Variants in TESK2 observed in about 807,000 individuals in gnomAD.
The protein encoded by TESK2 is testis associated actin remodelling kinase 2, also known as dual specificity testis-specific protein kinase 2.
A neutral mutation model predicts 57.1 loss-of-function variants in TESK2; 39 were observed. The ratio of observed to expected loss-of-function variants is 0.68; its 90% confidence interval spans 0.53 to 0.89. The LOEUF (loss-of-function observed/expected upper bound fraction) is 0.89, where lower values mean the gene tolerates loss of function less well. Ranked by LOEUF, TESK2 falls within the 40% of genes least tolerant of loss-of-function variation. The pLI is 0.00. For missense variants in TESK2, 646 were observed against 732.1 expected (o/e 0.88, Z 1.36); for synonymous variants, 249 against 267.9 (o/e 0.93, Z 0.69).
intron 5 of TESK2, among the ~76,000 whole-genome samples, chr1:45,352,594 C>T (rs893589765): frequency 2.0e-5 from 3 of 152,166 alleles, no homozygotes; most frequent in Admixed American, 2.0e-4. Context: ...GAAAACTTGT[C>T]GTCTATGTAG....
At chr1:45,384,593 ATTTTTTTTTTTTTTTT>A (rs59988269) in intron 4 of TESK2, among the ~76,000 whole-genome samples, 82 of 70,884 alleles carry the variant, frequency 1.2e-3, no homozygotes, top group South Asian at 4.6e-3. Flanking sequence ...CTAATTATTA[ATTTTTTTTTTTTTTTT>A]TTTTTTTTTT....
intron 1 of TESK2, among the ~76,000 whole-genome samples, chr1:45,464,161 T>G (rs556117869): frequency 1.3e-5 from 2 of 152,222 alleles, no homozygotes; most frequent in Admixed American, 6.5e-5. Flanking sequence ...TTTCAATTCA[T>G]GAACATTAAA....
intron 3 of TESK2, among the ~76,000 whole-genome samples, chr1:45,400,691 T>A (rs987907769): frequency 6.6e-6 from 1 of 152,112 alleles, no homozygotes; most frequent in Non-Finnish European, 1.5e-5. Context: ...CATTAAAGCA[T>A]AAATGTCCTC....
In TESK2 at chr1:45,428,952, T is replaced by G. The variant is rs747146134; in HGVS notation, c.223-7106A>C. ...TTCTCCTGCCTCAGCCTCCCAAGTA[T>G]CTGGGACTACAGGCACGTGCCACCA... is the stretch of plus-strand genomic sequence containing the variant. On this transcript the variant is annotated intron_variant, in intron 2 of 10. Transcript: ENST00000372086. 2.3e-4 allele frequency among the ~76,000 whole-genome samples: 34 copies of G among 150,194 alleles called. No individual in the cohort carries two copies. In the South Asian group the frequency reaches 4.5e-3, roughly 20 times the overall value.
chr1:45,376,691 C>G (rs953123710), intron 4 of TESK2, among the ~76,000 whole-genome samples: 63 of 151,964 alleles, frequency 4.1e-4, no homozygotes, highest in African/African-American at 1.5e-3. Flanking sequence ...ATTAGAGAAC[C>G]TGGGATTTGA....
intron 1 of TESK2, among the ~76,000 whole-genome samples, chr1:45,467,458 C>A (rs1161964562): frequency 6.6e-6 from 1 of 151,904 alleles, no homozygotes; most frequent in Non-Finnish European, 1.5e-5. Context: ...GATTCCCCTG[C>A]CTCAGCCTCC....
chr1:45,365,235 C>T (rs1647859259), intron 4 of TESK2, among the ~76,000 whole-genome samples: 1 of 152,166 alleles, frequency 6.6e-6, no homozygotes, highest in Non-Finnish European at 1.5e-5. Context: ...ACAGCCACTA[C>T]AAGCGTACAT....
At chr1:45,448,548 G>C (rs550904031) in intron 2 of TESK2, among the ~76,000 whole-genome samples, 2 of 152,264 alleles carry the variant, frequency 1.3e-5, no homozygotes, top group African/African-American at 4.8e-5. Flanking sequence ...GGGGCAGCAT[G>C]TCACATGGGG....
At chr1:45,477,928 T>C (rs1232668957) in intron 1 of TESK2, among the ~76,000 whole-genome samples, 4 of 152,358 alleles carry the variant, frequency 2.6e-5, no homozygotes, top group Admixed American at 1.3e-4. Flanking sequence ...CTTGTAGTAA[T>C]CTGACTATAC....
rs866725651 is a variant in TESK2, at chr1:45,361,995, G to A, written c.394-6546C>T. Among the ~76,000 whole-genome samples, 6 of 152,260 alleles carry A rather than the reference G, an allele frequency of 3.9e-5. No homozygotes were observed. In the Middle Eastern group the frequency reaches 0.014, roughly 345 times the overall value. ...TCAAAAAAAAGATGGTAAATTATAT[G>A]TTATATGTATTTTACCACGATAGAG... On this transcript the variant is annotated intron_variant, in intron 4 of 10. Coordinates refer to ENST00000372086, the MANE Select transcript of TESK2 (RefSeq NM_007170.3).
rs1303672543 is a variant in TESK2, at chr1:45,346,703, T to C, written c.869A>G (p.Asn290Ser). The change falls in exon 9 of 11, where the codon AAC becomes AGC. Residue 290 changes from asparagine (N) to serine (S), a missense_variant. Transcript: ENST00000372086. ...CPPDFLQLTF[N>S]CCNMDPKLRP... ...GAGAAAGACACTCACGTTACAGCAG[T>C]TGAAAGTAAGTTGCAGAAAATCTGG... 1.2e-6 allele frequency: 2 copies of C among 1,613,562 alleles called. No individual in the cohort carries two copies. The highest frequency in any genetic ancestry group is 1.1e-5 in the South Asian group (1 of 90,846).
At chr1:45,410,552 C>G (rs1330805308) in intron 3 of TESK2, among the ~76,000 whole-genome samples, 2 of 151,892 alleles carry the variant, frequency 1.3e-5, no homozygotes, top group African/African-American at 4.8e-5. Flanking sequence ...TTGTAGTAAG[C>G]TGAGATTGCA....
chr1:45,482,242 G>T (rs1276099388), intron 1 of TESK2, among the ~76,000 whole-genome samples: 1 of 152,150 alleles, frequency 6.6e-6, no homozygotes, highest in Non-Finnish European at 1.5e-5. Context: ...ATACGAAAAA[G>T]TTGGCCAGGC....
At chr1:45,407,750 C>T (rs1388642646) in intron 3 of TESK2, among the ~76,000 whole-genome samples, 1 of 152,166 alleles carries the variant, frequency 6.6e-6, no homozygotes, top group Non-Finnish European at 1.5e-5. Flanking sequence ...CCTCCCCAGC[C>T]ACGTGGAACT....
chr1:45,476,292 G>C (rs1652986903), intron 1 of TESK2, among the ~76,000 whole-genome samples: 1 of 152,030 alleles, frequency 6.6e-6, no homozygotes, highest in South Asian at 2.1e-4. Context: ...TGGATCATTT[G>C]AGCTTAGGAG....
chr1:45,433,389 A>G (rs1256828793), intron 2 of TESK2, among the ~76,000 whole-genome samples: 3 of 151,710 alleles, frequency 2.0e-5, no homozygotes, highest in Non-Finnish European at 4.4e-5. Flanking sequence ...TATAACTTAC[A>G]CTTTCTATCC....
intron 2 of TESK2, among the ~76,000 whole-genome samples, chr1:45,438,955 C>T (rs1193173298): frequency 6.6e-6 from 1 of 152,118 alleles, no homozygotes; most frequent in Non-Finnish European, 1.5e-5. Flanking sequence ...TAGACAATTT[C>T]ATAAGTTACT....
chr1:45,471,438 C>T (rs1328003330), intron 1 of TESK2, among the ~76,000 whole-genome samples: 1 of 151,954 alleles, frequency 6.6e-6, no homozygotes, highest in Admixed American at 6.6e-5. Context: ...GACAGTCTTG[C>T]TCTGTTGCCC....
At chr1:45,385,498 G>T in intron 4 of TESK2, 1 of 240,278 alleles carries the variant, frequency 4.2e-6, no homozygotes, top group Non-Finnish European at 6.7e-6. Context: ...CTGGTAATTT[G>T]TTGCCATAGA....
Sources: gnomAD v4.1 joint callset for allele counts (sites outside exome capture counted in the v4.1 genomes callset) on GRCh38, gnomAD v4.1.1 for gene constraint, MANE v1.5 for transcripts, NCBI Gene and HGNC (gene_info 2026-07-23, HGNC 2026-07-21) for gene names.